The following ZMYM2 variants were observed in gnomAD, a reference collection of about 807,000 sequenced individuals.
The protein encoded by ZMYM2 is zinc finger MYM-type containing 2.
Under a neutral mutation model 162.8 loss-of-function variants are expected in ZMYM2, and 56 were observed. That is an observed-to-expected ratio of 0.34 (90% CI 0.28 to 0.43). The LOEUF is 0.43. ZMYM2 is among the 20% of genes least tolerant of loss of function. ZMYM2 has a pLI of 1.00. For missense variants in ZMYM2, 1,275 were observed against 1,621.8 expected (o/e 0.79, Z 3.67); for synonymous variants, 510 against 541.6 (o/e 0.94, Z 0.81).
the ZMYM2 span, among the ~76,000 whole-genome samples, chr13:19,886,811 G>C: frequency 6.6e-6 from 1 of 151,458 alleles, no homozygotes. Context: ...CACCATGCCC[G>C]GTTAATTTTT....
At chr13:19,990,528 A>G (rs1316892711) in intron 2 of ZMYM2, among the ~76,000 whole-genome samples, 1 of 152,200 alleles carries the variant, frequency 6.6e-6, no homozygotes, top group Non-Finnish European at 1.5e-5. Flanking sequence ...TTCTCTGATC[A>G]CCAAACTAGT....
intron 1 of ZMYM2, 122 bp from the exon 2 acceptor site, chr13:19,959,836 T>C (rs368416114): frequency 3.3e-5 from 5 of 152,582 alleles, no homozygotes; most frequent in African/African-American, 4.8e-5. Context: ...GGGGTAATAA[T>C]AGAAGGACCG....
the ZMYM2 span, among the ~76,000 whole-genome samples, chr13:19,907,500 C>G: frequency 1.3e-3 from 191 of 152,242 alleles, no homozygotes; most frequent in Middle Eastern, 3.4e-3. Context: ...TAGGCTAGGC[C>G]TGTAATCCTA....
the ZMYM2 span, among the ~76,000 whole-genome samples, chr13:19,918,495 C>CTTT: frequency 2.7e-3 from 286 of 107,452 alleles, 3 homozygotes; most frequent in Middle Eastern, 0.019. Context: ...TTCTTTCTTT[C>CTTT]TTTTTTTTTT....
the ZMYM2 span, among the ~76,000 whole-genome samples, chr13:19,912,292 G>GTTTTTTTTTTTT: frequency 3.6e-4 from 27 of 75,696 alleles, no homozygotes; most frequent in Non-Finnish European, 4.7e-4. Flanking sequence ...TGTTTTTTGG[G>GTTTTTTTTTTTT]TTTTTTTTTT....
intron 21 of ZMYM2, chr13:20,070,855 AC>A (rs1957035000): frequency 6.5e-6 from 1 of 153,036 alleles, no homozygotes; most frequent in East Asian, 1.9e-4. Flanking sequence ...AGTGGCTGAA[AC>A]TGTGTTTCCC....
chr13:20,003,091 C>T lies in ZMYM2; in HGVS notation c.1089C>T (p.Phe363=). ...GTTCTACCACCTGCCTTTCTTCCTT[C>T]TCCCACAAGCCTGCTCCAAAGAAAC... is the stretch of plus-strand genomic sequence containing the variant. ...LFCSTTCLSS[F]SHKPAPKKLC... Residue 363 remains phenylalanine, a synonymous_variant, in exon 4 of 25, where the codon TTC becomes TTT. Coordinates refer to ENST00000610343, the MANE Select transcript of ZMYM2 (RefSeq NM_197968.4). 1 of 1,614,208 alleles carries T rather than the reference C, an allele frequency of 6.2e-7. No individual in the cohort carries two copies. The highest frequency in any genetic ancestry group is 8.5e-7 in the Non-Finnish European group (1 of 1,180,030).
At chr13:19,982,728 A>T (rs1053608279) in intron 2 of ZMYM2, among the ~76,000 whole-genome samples, 2 of 152,186 alleles carry the variant, frequency 1.3e-5, no homozygotes, top group African/African-American at 4.8e-5. Flanking sequence ...GATAGTTCCT[A>T]CCTTGACAAG....
chr13:20,010,187 TTTG>T (rs965541712), intron 6 of ZMYM2, among the ~76,000 whole-genome samples: 9 of 152,234 alleles, frequency 5.9e-5, no homozygotes, highest in East Asian at 1.9e-4. Context: ...ACAATTTTTC[TTTG>T]TTGTTGTTGT....
At chr13:20,051,712 T>C (rs1377920300) in intron 13 of ZMYM2, 114 bp downstream of exon 13, 5 of 1,035,480 alleles carry the variant, frequency 4.8e-6, no homozygotes, top group Non-Finnish European at 6.7e-6. Flanking sequence ...TAACAGCAAC[T>C]TAAATTCCGT....
At chr13:19,912,284 T>G in the ZMYM2 span, among the ~76,000 whole-genome samples, 1 of 144,636 alleles carries the variant, frequency 6.9e-6, no homozygotes, top group Non-Finnish European at 1.5e-5. Flanking sequence ...CAGGGATCTG[T>G]TTTTTGGGTT....
chr13:19,899,743 G>A, the ZMYM2 span, among the ~76,000 whole-genome samples: 1 of 147,138 alleles, frequency 6.8e-6, no homozygotes, highest in Admixed American at 7.1e-5. Context: ...CTTGAACCCG[G>A]GAGGGAGAGG....
At chr13:20,058,798 T>TG (rs1956007008) in intron 15 of ZMYM2, 94 bp downstream of exon 15, 3 of 1,504,768 alleles carry the variant, frequency 2.0e-6, no homozygotes, top group Non-Finnish European at 2.8e-6. Flanking sequence ...CCAGGATAGA[T>TG]TCATTTGGTC....
At chr13:19,887,560 C>G in the ZMYM2 span, among the ~76,000 whole-genome samples, 2 of 150,724 alleles carry the variant, frequency 1.3e-5, no homozygotes, top group South Asian at 4.2e-4. Flanking sequence ...ATATATATAT[C>G]ATTATTTTCT....
At chr13:19,954,126 A>ATTTTTTTTTTTTTTTTTTT (rs781288600), upstream of ZMYM2, among the ~76,000 whole-genome samples, 3,645 of 64,792 alleles carry the variant, frequency 0.056, 1,435 homozygotes, top group Middle Eastern at 0.19. Context: ...GCTATGTTTA[A>ATTTTTTTTTTTTTTTTTTT]TTTTTTTTTT....
At chr13:20,059,372 A>C in intron 15 of ZMYM2, 75 bp from the exon 16 acceptor site, 1 of 1,510,634 alleles carries the variant, frequency 6.6e-7, no homozygotes, top group Non-Finnish European at 8.9e-7. Flanking sequence ...TTTCTTTATC[A>C]AATTATTTTA....
chr13:20,050,969 A>G (rs897793961), intron 12 of ZMYM2, among the ~76,000 whole-genome samples: 2 of 152,084 alleles, frequency 1.3e-5, no homozygotes, highest in Non-Finnish European at 2.9e-5. Flanking sequence ...GAAAAACTCA[A>G]AATTTTCAAG....
chr13:20,080,065 T>C (rs1949089100), intron 21 of ZMYM2, among the ~76,000 whole-genome samples: 1 of 152,190 alleles, frequency 6.6e-6, no homozygotes, highest in African/African-American at 2.4e-5. Flanking sequence ...AATCATGATG[T>C]TATATTTTAA....
intron 2 of ZMYM2, among the ~76,000 whole-genome samples, chr13:19,987,696 G>A (rs1039247840): frequency 6.7e-6 from 1 of 149,448 alleles, no homozygotes; most frequent in Non-Finnish European, 1.5e-5. Flanking sequence ...GGCCAGGCTG[G>A]TCTCGAACTC....
Sources: allele counts gnomAD v4.1 joint callset (sites outside exome capture counted in the v4.1 genomes callset), GRCh38; gene constraint gnomAD v4.1.1; transcripts MANE v1.5; gene names NCBI Gene and HGNC (gene_info 2026-07-23, HGNC 2026-07-21).